Variants in ABL2 observed in about 807,000 individuals in gnomAD.
ABL2 encodes ABL proto-oncogene 2, non-receptor tyrosine kinase.
A neutral mutation model predicts 107.7 loss-of-function variants in ABL2; 49 were observed. That is an observed-to-expected ratio of 0.45 (90% CI 0.36 to 0.58). The LOEUF is 0.58. ABL2 is among the 20% of genes least tolerant of loss of function. The pLI is 0.00. For synonymous variants in ABL2, 549 were observed against 548.6 expected, an observed-to-expected ratio of 1.00 and a Z score of -0.01; for missense variants, 1,245 against 1,457.0, an observed-to-expected ratio of 0.85 and a Z score of 2.37.
At chr1:179,204,684 G>A (rs959641287) in intron 1 of ABL2, among the ~76,000 whole-genome samples, 1 of 151,962 alleles carries the variant, frequency 6.6e-6, no homozygotes, top group Non-Finnish European at 1.5e-5. Flanking sequence ...GAGGCAGAGA[G>A]TACAGTGAAC....
intron 1 of ABL2, among the ~76,000 whole-genome samples, chr1:179,224,035 G>A (rs1280358322): frequency 1.4e-5 from 2 of 146,772 alleles, no homozygotes; most frequent in African/African-American, 5.0e-5. Flanking sequence ...AGGCTGAGAG[G>A]TGAGAGGATC....
At chr1:179,177,077 C>T (rs139683774) in intron 1 of ABL2, among the ~76,000 whole-genome samples, 3 of 152,130 alleles carry the variant, frequency 2.0e-5, no homozygotes, top group African/African-American at 7.2e-5. Context: ...CTTTTGATGT[C>T]CAACACTTAA....
intron 1 of ABL2, among the ~76,000 whole-genome samples, chr1:179,174,909 T>A (rs4651018): frequency 0.46 from 53,985 of 116,530 alleles, 12,476 homozygotes; most frequent in East Asian, 0.51. Context: ...AAAAAAAAAA[T>A]AAAATAAAAA....
chr1:179,211,392 T>C (rs1367275948), intron 1 of ABL2, among the ~76,000 whole-genome samples: 1 of 151,912 alleles, frequency 6.6e-6, no homozygotes, highest in African/African-American at 2.4e-5. Context: ...TGGGGTGGTA[T>C]GTGCCTATAG....
chr1:179,211,596 G>C (rs1329712312), intron 1 of ABL2, among the ~76,000 whole-genome samples: 1 of 151,738 alleles, frequency 6.6e-6, no homozygotes, highest in Non-Finnish European at 1.5e-5. Context: ...ACATATACAG[G>C]AGAATAAAAC....
intron 9 of ABL2, 40 bp downstream of exon 9, chr1:179,114,838 A>G: frequency 6.4e-7 from 1 of 1,565,886 alleles, no homozygotes; most frequent in Non-Finnish European, 8.6e-7. Context: ...CTGAACTGCT[A>G]GCTTATGCCT....
Position 179,100,568 on chromosome 1 carries a change from G to A in ABL2, c.*7150C>T, listed in dbSNP as rs1335920943. Reference sequence around the variant, plus strand: ...AGTTCTGACTACACAAACTCCTTATGTTTCCTTTCATAAAGCCTGCTAGCA... The same window carrying A: ...AGTTCTGACTACACAAACTCCTTATATTTCCTTTCATAAAGCCTGCTAGCA... On this transcript the variant is annotated 3_prime_UTR_variant, in exon 12 of 12. Transcript: ENST00000502732. 2 of 229,098 alleles carry A rather than the reference G, an allele frequency of 8.7e-6. No individual in the cohort carries two copies. Among genetic ancestry groups the A allele is most frequent in the Non-Finnish European group, 1.7e-5 (2 of 115,616 alleles). 14.2% of individuals were successfully genotyped at this position (229,098 alleles called of 1,614,324 possible).
chr1:179,214,095 GGAAAGATTATAC>G (rs1337866112), intron 1 of ABL2, among the ~76,000 whole-genome samples: 44 of 152,114 alleles, frequency 2.9e-4, no homozygotes, highest in Admixed American at 9.2e-4. Context: ...TAAGCAATTA[GGAAAGATTATAC>G]TTAACAACAA....
At chr1:179,178,647 T>C (rs573742019) in intron 1 of ABL2, among the ~76,000 whole-genome samples, 1 of 152,162 alleles carries the variant, frequency 6.6e-6, no homozygotes, top group African/African-American at 2.4e-5. Context: ...TCCAGCACTT[T>C]GGGAGGCCAA....
intron 1 of ABL2, chr1:179,201,929 G>A (rs1191515623): frequency 1.6e-6 from 2 of 1,228,098 alleles, no homozygotes; most frequent in South Asian, 2.6e-5. Flanking sequence ...TCATCTGAGG[G>A]GCTGTCCTGC....
At chr1:179,208,757 G>C (rs929156086) in intron 1 of ABL2, among the ~76,000 whole-genome samples, 1 of 152,174 alleles carries the variant, frequency 6.6e-6, no homozygotes, top group African/African-American at 2.4e-5. Flanking sequence ...GAAGTAGTAG[G>C]ATAATGTGTC....
intron 4 of ABL2, among the ~76,000 whole-genome samples, chr1:179,123,635 A>C (rs1351749876): frequency 6.6e-6 from 1 of 152,150 alleles, no homozygotes; most frequent in African/African-American, 2.4e-5. Flanking sequence ...CTTAATTTTT[A>C]TGTATTTTTG....
At chr1:179,134,423 A>ATGGAGGCTGCGTGGAGGCTGCG in intron 1 of ABL2, among the ~76,000 whole-genome samples, 1 of 152,182 alleles carries the variant, frequency 6.6e-6, no homozygotes, top group East Asian at 1.9e-4. Flanking sequence ...GGACTCGGCC[A>ATGGAGGCTGCGTGGAGGCTGCG]TGGAGGCTGC....
chr1:179,165,817 C>G (rs186141264), intron 1 of ABL2, among the ~76,000 whole-genome samples: 1 of 150,046 alleles, frequency 6.7e-6, no homozygotes, highest in Non-Finnish European at 1.5e-5. Flanking sequence ...TTTTTCCAGA[C>G]GGAGTTTCGC....
At chr1:179,213,046 C>CAAAAAA (rs368969682) in intron 1 of ABL2, among the ~76,000 whole-genome samples, 3 of 81,270 alleles carry the variant, frequency 3.7e-5, no homozygotes, top group South Asian at 4.3e-4. Context: ...AACTCCGTCT[C>CAAAAAA]AAAAAAAAAA....
At chr1:179,138,954 C>A (rs1000322193) in intron 1 of ABL2, among the ~76,000 whole-genome samples, 4 of 152,242 alleles carry the variant, frequency 2.6e-5, no homozygotes, top group African/African-American at 9.6e-5. Context: ...CCAGCCAGCC[C>A]TGTCAGCCCC....
chr1:179,114,076 A>G (rs2102599401), intron 9 of ABL2, among the ~76,000 whole-genome samples: 1 of 151,882 alleles, frequency 6.6e-6, no homozygotes, highest in South Asian at 2.1e-4. Context: ...CCAACATGCC[A>G]AAACCCCATC....
At chr1:179,140,521 T>A (rs538069217) in intron 1 of ABL2, among the ~76,000 whole-genome samples, 68 of 152,234 alleles carry the variant, frequency 4.5e-4, no homozygotes, top group Non-Finnish European at 9.1e-4. Context: ...CTTGCTAAAA[T>A]GTAAGTTTTA....
intron 1 of ABL2, among the ~76,000 whole-genome samples, chr1:179,228,745 C>T (rs1663372714): frequency 6.6e-6 from 1 of 152,218 alleles, no homozygotes; most frequent in South Asian, 2.1e-4. Flanking sequence ...ACACTGTCCA[C>T]AGTTCACTAT....
Sources: gnomAD v4.1 joint callset for allele counts (sites outside exome capture counted in the v4.1 genomes callset) on GRCh38, gnomAD v4.1.1 for gene constraint, MANE v1.5 for transcripts, NCBI Gene and HGNC (gene_info 2026-07-23, HGNC 2026-07-21) for gene names.